Variants in SYTL5 observed in about 807,000 individuals in gnomAD.
SYTL5 encodes synaptotagmin like 5, also known as synaptotagmin-like protein 5.
SYTL5 carries 34 observed loss-of-function variants against 55.9 expected under a neutral mutation model. The observed-to-expected ratio is 0.61, with a 90% CI of 0.46 to 0.81. The LOEUF is 0.81. Ranked by LOEUF, SYTL5 falls within the 30% of genes least tolerant of loss-of-function variation. SYTL5 has a pLI of 0.00. For missense variants in SYTL5, 637 were observed against 546.7 expected (o/e 1.17, Z -1.65); for synonymous variants, 221 against 188.7 (o/e 1.17, Z -1.40).
chrX:38,016,993 A>AAG (rs1934373999), intron 1 of SYTL5, among the ~76,000 whole-genome samples: 1 of 112,023 alleles, frequency 8.9e-6, no homozygotes, highest in South Asian at 3.7e-4. Context: ...CCTCTTAGAC[A>AAG]TCCATCTTGA....
chrX:38,122,284 A>G, intron 15 of SYTL5, 69 bp downstream of exon 15: 1 of 1,014,284 alleles, frequency 9.9e-7, no homozygotes, highest in Non-Finnish European at 1.4e-6. Flanking sequence ...TCCACAAGCC[A>G]CTGGTGGCTG....
At chrX:38,054,615 A>T (rs1304241165) in intron 3 of SYTL5, among the ~76,000 whole-genome samples, 193 bp downstream of exon 3, 1 of 51,045 alleles carries the variant, frequency 2.0e-5, no homozygotes, top group Non-Finnish European at 3.0e-5. Context: ...TGTATGTGAG[A>T]GAGAGAGAGA....
intron 2 of SYTL5, among the ~76,000 whole-genome samples, chrX:38,048,053 G>A (rs868723915): frequency 1.8e-5 from 2 of 110,384 alleles, no homozygotes; most frequent in African/African-American, 6.6e-5. Flanking sequence ...AGGCGTGGTG[G>A]TGGGCACCTG....
intron 9 of SYTL5, among the ~76,000 whole-genome samples, chrX:38,102,051 G>T (rs1198564471): frequency 9.1e-6 from 1 of 109,674 alleles, no homozygotes; most frequent in East Asian, 2.9e-4. Context: ...AATCACCTTA[G>T]AGGTAGGAAT....
At chrX:37,921,332 T>C in the SYTL5 span, among the ~76,000 whole-genome samples, 1 of 111,332 alleles carries the variant, frequency 9.0e-6, no homozygotes, top group African/African-American at 3.3e-5. Flanking sequence ...AGATGATCCT[T>C]GAAACCTCAG....
chrX:38,083,170 C>T (rs1936578348), intron 6 of SYTL5, among the ~76,000 whole-genome samples: 1 of 111,432 alleles, frequency 9.0e-6, no homozygotes, highest in African/African-American at 3.3e-5. Context: ...TGGCCTCTCT[C>T]CTCAAAACGG....
chrX:37,939,346 TTA>T, the SYTL5 span, among the ~76,000 whole-genome samples: 5 of 112,174 alleles, frequency 4.5e-5, no homozygotes, highest in Admixed American at 4.7e-4. Flanking sequence ...GATTATTGTT[TTA>T]GTCACAAATT....
chrX:37,932,797 C>T, the SYTL5 span, among the ~76,000 whole-genome samples: 3 of 111,940 alleles, frequency 2.7e-5, no homozygotes, highest in East Asian at 8.4e-4. Flanking sequence ...GATGGGACTG[C>T]GAGGTTAGCT....
At chrX:38,080,805 A>G (rs1936511839) in intron 6 of SYTL5, among the ~76,000 whole-genome samples, 1 of 111,930 alleles carries the variant, frequency 8.9e-6, no homozygotes, top group Non-Finnish European at 1.9e-5. Context: ...TGTAATTTTC[A>G]TTGACATCTT....
At chrX:37,970,000 A>G in the SYTL5 span, among the ~76,000 whole-genome samples, 1 of 112,416 alleles carries the variant, frequency 8.9e-6, no homozygotes, top group East Asian at 2.8e-4. Flanking sequence ...AAAGAAACAG[A>G]TTATAGAATT....
intron 2 of SYTL5, among the ~76,000 whole-genome samples, chrX:38,052,917 T>A (rs1208780201): frequency 8.9e-6 from 1 of 112,121 alleles, no homozygotes; most frequent in East Asian, 2.8e-4. Flanking sequence ...TCTGGAGCAG[T>A]GTTTTACAAA....
chrX:38,005,762 A>G (rs981156221), upstream of SYTL5, among the ~76,000 whole-genome samples: 29 of 111,688 alleles, frequency 2.6e-4, no homozygotes, highest in Non-Finnish European at 4.7e-4. Flanking sequence ...TAAGAAAGTA[A>G]TAACTCTCTT....
At chrX:38,010,606 G>A (rs1934146632) in intron 1 of SYTL5, among the ~76,000 whole-genome samples, 1 of 111,795 alleles carries the variant, frequency 8.9e-6, no homozygotes, top group Non-Finnish European at 1.9e-5. Flanking sequence ...CAAAATGTCA[G>A]TATCCAAATA....
chrX:38,036,135 G>A (rs1197963987), intron 2 of SYTL5, among the ~76,000 whole-genome samples: 22 of 108,930 alleles, frequency 2.0e-4, no homozygotes, highest in African/African-American at 7.0e-4. Flanking sequence ...GCGAAACCCC[G>A]TCTCTACTAA....
chrX:37,900,485 A>G, the SYTL5 span, among the ~76,000 whole-genome samples: 1 of 112,179 alleles, frequency 8.9e-6, no homozygotes, highest in African/African-American at 3.2e-5. Flanking sequence ...CCTCAGTAAT[A>G]CATGACTTTT....
chrX:38,124,753 A>C (rs1054565453), intron 15 of SYTL5, among the ~76,000 whole-genome samples: 2 of 112,223 alleles, frequency 1.8e-5, no homozygotes, highest in African/African-American at 3.2e-5. Flanking sequence ...AATATACCTT[A>C]GGATTGTCAC....
intron 15 of SYTL5, among the ~76,000 whole-genome samples, 193 bp from the exon 16 acceptor site, chrX:38,125,105 T>C (rs756055511): frequency 9.0e-6 from 1 of 111,362 alleles, no homozygotes; most frequent in South Asian, 3.9e-4. Flanking sequence ...CTAAATAAGA[T>C]TAGAAAGGAG....
the SYTL5 span, among the ~76,000 whole-genome samples, chrX:37,974,089 T>G: frequency 9.0e-6 from 1 of 111,470 alleles, no homozygotes; most frequent in African/African-American, 3.3e-5. Flanking sequence ...GGTACAAAGT[T>G]GCAGTTATAT....
chrX:38,125,570 G>A, intron 16 of SYTL5, 64 bp downstream of exon 16: 1 of 898,973 alleles, frequency 1.1e-6, no homozygotes, highest in Non-Finnish European at 1.6e-6. Flanking sequence ...CGCTATTCTT[G>A]CAGATGTGAT....
Sources: gnomAD v4.1 joint callset for allele counts (sites outside exome capture counted in the v4.1 genomes callset) on GRCh38, gnomAD v4.1.1 for gene constraint, MANE v1.5 for transcripts, NCBI Gene and HGNC (gene_info 2026-07-23, HGNC 2026-07-21) for gene names.